Variants in PIEZO2 observed in about 807,000 individuals in gnomAD.
PIEZO2 encodes the protein piezo type mechanosensitive ion channel component 2, also known as piezo-type mechanosensitive ion channel component 2.
PIEZO2 carries 172 observed loss-of-function variants against 337.3 expected under a neutral mutation model. That is an observed-to-expected ratio of 0.51 (90% CI 0.45 to 0.58). The LOEUF (loss-of-function observed/expected upper bound fraction) is 0.58, where lower values mean the gene tolerates loss of function less well. Ranked by LOEUF, PIEZO2 falls within the 20% of genes least tolerant of loss-of-function variation. The probability of loss-of-function intolerance (pLI) is 0.00; values close to 1 mark genes in which losing one functional copy is unlikely to be tolerated. For missense variants in PIEZO2, 3,028 were observed against 3,391.3 expected, an observed-to-expected ratio of 0.89 and a Z score of 2.66; for synonymous variants, 1,251 against 1,228.5, an observed-to-expected ratio of 1.02 and a Z score of -0.38.
chr18:11,123,032 T>A (rs1313185792), intron 1 of PIEZO2, among the ~76,000 whole-genome samples: 5 of 152,002 alleles, frequency 3.3e-5, no homozygotes, highest in Admixed American at 6.6e-5. Flanking sequence ...ACTTTTTTAA[T>A]CTGTCGGAAT....
intron 16 of PIEZO2, among the ~76,000 whole-genome samples, chr18:10,786,246 A>T (rs2039219701): frequency 6.6e-6 from 1 of 152,242 alleles, no homozygotes; most frequent in Non-Finnish European, 1.5e-5. Flanking sequence ...CTTATTTTAC[A>T]CTAAATAGTT....
rs1038049843 is a variant in PIEZO2 at position 10,819,855 on chromosome 18, C to T, written c.918-12581G>A. On this transcript the variant is annotated intron_variant, in intron 7 of 55. Coordinates refer to ENST00000674853, the MANE Select transcript of PIEZO2 (RefSeq NM_001378183.1). The surrounding 1 kb of genome is among the most constrained non-coding windows in gnomAD (Gnocchi z 4.3). ...CCTCTAATATTTGTGTAGTGCAGGT[C>T]TGCTGGTGCAAAATTCTCTCAGTCT... Among the ~76,000 whole-genome samples the T allele has an allele frequency of 6.6e-6, 1 of 152,174 alleles. No individual in the cohort carries two copies.
At chr18:11,046,112 C>T (rs2037305548) in intron 2 of PIEZO2, among the ~76,000 whole-genome samples, 1 of 152,156 alleles carries the variant, frequency 6.6e-6, no homozygotes, top group Non-Finnish European at 1.5e-5. Context: ...CTGGCTGGTC[C>T]CCCATTTCCA....
At chr18:10,989,823 A>C (rs1451658961) in intron 2 of PIEZO2, among the ~76,000 whole-genome samples, 5 of 152,174 alleles carry the variant, frequency 3.3e-5, no homozygotes, top group Admixed American at 3.3e-4. Context: ...AAAAAATCAT[A>C]ATAGGGAGTT....
At chr18:10,675,824 T>C (rs2033974534) in intron 53 of PIEZO2, among the ~76,000 whole-genome samples, 1 of 152,102 alleles carries the variant, frequency 6.6e-6, no homozygotes, top group Non-Finnish European at 1.5e-5. Flanking sequence ...GCTGTTCTTG[T>C]GATAGTGAAT....
chr18:11,145,449 A>G (rs1262333925), intron 1 of PIEZO2, among the ~76,000 whole-genome samples: 1 of 152,256 alleles, frequency 6.6e-6, no homozygotes, highest in East Asian at 1.9e-4. Flanking sequence ...ATCTCTGTGC[A>G]GGAAAATTTC....
intron 48 of PIEZO2, among the ~76,000 whole-genome samples, chr18:10,690,758 C>T (rs898053720): frequency 6.6e-6 from 1 of 152,138 alleles, no homozygotes; most frequent in Non-Finnish European, 1.5e-5. Flanking sequence ...TAACTTGCTA[C>T]GTGGGCACAC....
In PIEZO2 at chr18:11,102,020, C is replaced by A. The variant is rs2039434654; in HGVS notation, c.65-35798G>T. 6.6e-6 allele frequency among the ~76,000 whole-genome samples: 1 copy of A among 152,044 alleles called. No individual in the cohort carries two copies. The highest frequency in any genetic ancestry group is 6.5e-5 in the Admixed American group (1 of 15,268). On this transcript the variant is annotated intron_variant, in intron 1 of 55. Transcript: ENST00000674853. The surrounding 1 kb of genome is among the most constrained non-coding windows in gnomAD (Gnocchi z 5.7). Reference sequence around the variant, plus strand: ...ATTGTGTGCCTGGGGATCCTGGGGCCCTGATTTGGAGGCTATAGACTTAAG... The same window carrying A: ...ATTGTGTGCCTGGGGATCCTGGGGCACTGATTTGGAGGCTATAGACTTAAG...
In PIEZO2 at chr18:10,830,296, T is replaced by C. The variant is rs1373894813; in HGVS notation, c.918-23022A>G. Among the ~76,000 whole-genome samples, 1 of 152,040 alleles carries C rather than the reference T, an allele frequency of 6.6e-6. No homozygotes were observed. The highest frequency in any genetic ancestry group is 1.9e-4 in the East Asian group (1 of 5,196). On this transcript the variant is annotated intron_variant, in intron 7 of 55. Transcript: ENST00000674853. The surrounding 1 kb of genome is among the most constrained non-coding windows in gnomAD (Gnocchi z 4.7). ...CACCACACACAACAATAAATCAAAA[T>C]GAATTAAAGACTTAAAGACCTCAAA...
intron 2 of PIEZO2, among the ~76,000 whole-genome samples, chr18:11,065,849 T>G (rs893080603): frequency 6.6e-6 from 1 of 152,250 alleles, no homozygotes; most frequent in Non-Finnish European, 1.5e-5. Context: ...GAGTTAGTAG[T>G]GTTAACTAGC....
In PIEZO2 at chr18:11,132,306, T is replaced by C. The variant is rs540967369; in HGVS notation, c.64+16219A>G. Among the ~76,000 whole-genome samples the C allele has an allele frequency of 5.3e-5, 8 of 152,286 alleles. No individual in the cohort carries two copies. The South Asian group carries it at 1.7e-3, about 32-fold the overall frequency. On this transcript the variant is annotated intron_variant, in intron 1 of 55. Transcript: ENST00000674853. This position sits in a 1 kb window ranked among gnomAD's most constrained non-coding sequence, Gnocchi z 4.7. ...CACTCACTTTATGGTGAAAGAAGTG[T>C]GGCAGCAGGCTCATGCTCATGGAAT...
intron 1 of PIEZO2, among the ~76,000 whole-genome samples, chr18:11,139,329 C>T (rs2040576422): frequency 6.6e-6 from 1 of 152,114 alleles, no homozygotes; most frequent in South Asian, 2.1e-4. Flanking sequence ...TCACCTTGAA[C>T]ATCAGAAACC....
intron 2 of PIEZO2, among the ~76,000 whole-genome samples, chr18:11,022,638 AC>A (rs945884148): frequency 6.6e-6 from 1 of 152,120 alleles, no homozygotes; most frequent in African/African-American, 2.4e-5. Flanking sequence ...AACCTTAATC[AC>A]CTCTTTAAAG....
At chr18:11,042,005 C>T (rs2037140103) in intron 2 of PIEZO2, among the ~76,000 whole-genome samples, 1 of 152,186 alleles carries the variant, frequency 6.6e-6, no homozygotes, top group African/African-American at 2.4e-5. Flanking sequence ...CGTCTTCTAT[C>T]CATCATTTCT....
chr18:10,757,845 T>C, intron 27 of PIEZO2, 124 bp downstream of exon 27: 1 of 1,062,768 alleles, frequency 9.4e-7, no homozygotes, highest in Non-Finnish European at 1.3e-6. Context: ...CCAGCATTTA[T>C]TAACTTCAGT....
At position 10,871,432 on chromosome 18, in the gene PIEZO2, AGGGGAGGGG is replaced by A. The variant is rs1218669272; in HGVS notation, c.330-26_330-18del. 1.3e-6 allele frequency: 2 copies of A among 1,522,070 alleles called. No homozygotes were observed. Among genetic ancestry groups the A allele is most frequent in the African/African-American group, 2.8e-5 (2 of 72,448 alleles). 94.3% of individuals were successfully genotyped at this position (1,522,070 alleles called of 1,614,324 possible). ...CCCTTTAAGCTATAAAGGAAAAACAAGGGGAGGGGAAAAAAATTTAGTTCTTATATTTCT... is the reference window on the plus strand; with the variant it reads ...CCCTTTAAGCTATAAAGGAAAAACAAAAAAAAATTTAGTTCTTATATTTCT... On this transcript the variant is annotated intron_variant, in intron 4 of 55. Transcript: ENST00000674853.
intron 1 of PIEZO2, among the ~76,000 whole-genome samples, chr18:11,114,420 C>T (rs926254543): frequency 1.3e-5 from 2 of 152,184 alleles, no homozygotes; most frequent in African/African-American, 4.8e-5. Flanking sequence ...AATCCCAGCA[C>T]TTTGGGAGGC....
chr18:10,947,673 A>G (rs2033096087), intron 3 of PIEZO2, among the ~76,000 whole-genome samples: 1 of 152,338 alleles, frequency 6.6e-6, no homozygotes, highest in African/African-American at 2.4e-5. Context: ...AAAGGGCACT[A>G]GAAATGGTCA....
chr18:11,020,550 G>C (rs1225038046), intron 2 of PIEZO2, among the ~76,000 whole-genome samples: 1 of 152,172 alleles, frequency 6.6e-6, no homozygotes, highest in East Asian at 1.9e-4. Flanking sequence ...AACACTCACA[G>C]CTCTTGGGGC....
Sources: gnomAD v4.1 joint callset for allele counts (sites outside exome capture counted in the v4.1 genomes callset) on GRCh38, gnomAD v4.1.1 for gene constraint, Gnocchi (gnomAD v3.1) non-coding constraint, MANE v1.5 for transcripts, NCBI Gene and HGNC (gene_info 2026-07-23, HGNC 2026-07-21) for gene names.